The following KCNK2 variants were observed in gnomAD, a reference collection of about 807,000 sequenced individuals.
KCNK2 encodes potassium channel subfamily K member 2.
In KCNK2, 21 loss-of-function variants were observed where a neutral mutation model predicts 40.5. The ratio of observed to expected loss-of-function variants is 0.52; its 90% CI spans 0.37 to 0.75. KCNK2 has a LOEUF of 0.75. KCNK2 is among the 30% of genes least tolerant of loss of function. The pLI is 0.00. For missense variants in KCNK2, 399 were observed against 531.6 expected, an observed-to-expected ratio of 0.75 and a Z score of 2.45; for synonymous variants, 191 against 202.2, an observed-to-expected ratio of 0.94 and a Z score of 0.47.
intron 5 of KCNK2, among the ~76,000 whole-genome samples, chr1:215,193,665 GTTC>G (rs1415745224): frequency 6.6e-6 from 1 of 152,060 alleles, no homozygotes; most frequent in African/African-American, 2.4e-5. Context: ...CTGTCAATTT[GTTC>G]TTCTCTGCCA....
intron 2 of KCNK2, among the ~76,000 whole-genome samples, chr1:215,089,338 A>C (rs1429974832): frequency 3.9e-5 from 6 of 152,162 alleles, no homozygotes; most frequent in Non-Finnish European, 5.9e-5. Flanking sequence ...GAGGGGGGAA[A>C]CAGTTGGAGT....
At chr1:215,221,117 C>T (rs570220276) in intron 6 of KCNK2, among the ~76,000 whole-genome samples, 1 of 152,360 alleles carries the variant, frequency 6.6e-6, no homozygotes, top group South Asian at 2.1e-4. Flanking sequence ...CACCTGTAAT[C>T]CCAGCACTTT....
chr1:215,067,972 T>C (rs1658616389), intron 1 of KCNK2, among the ~76,000 whole-genome samples: 2 of 152,190 alleles, frequency 1.3e-5, no homozygotes, highest in Admixed American at 1.3e-4. Flanking sequence ...ATGTAATTTA[T>C]TTCAATAAAT....
chr1:215,082,717 A>C (rs1659215741), upstream of KCNK2, among the ~76,000 whole-genome samples: 1 of 151,416 alleles, frequency 6.6e-6, no homozygotes, highest in Non-Finnish European at 1.5e-5. Context: ...GGCGAAGAGG[A>C]GGGAGTTCCG....
chr1:215,213,051 T>C (rs547616021), intron 6 of KCNK2, among the ~76,000 whole-genome samples: 92 of 152,308 alleles, frequency 6.0e-4, no homozygotes, highest in African/African-American at 2.1e-3. Flanking sequence ...GGGGGGCTTA[T>C]GCTTGACTGG....
At chr1:215,178,205 T>C (rs75543502) in intron 5 of KCNK2, among the ~76,000 whole-genome samples, 18,912 of 152,128 alleles carry the variant, frequency 0.12, 2,460 homozygotes, top group African/African-American at 0.33. Flanking sequence ...TTTTTGTACA[T>C]TGATTTTGTA....
At chr1:215,157,270 G>A (rs189159468) in intron 3 of KCNK2, among the ~76,000 whole-genome samples, 48 of 152,218 alleles carry the variant, frequency 3.2e-4, no homozygotes, top group South Asian at 3.1e-3. Context: ...TATCCCTCAC[G>A]GGGTGACCAC....
chr1:215,224,292 T>C (rs1666298475), intron 6 of KCNK2, among the ~76,000 whole-genome samples: 1 of 152,216 alleles, frequency 6.6e-6, no homozygotes, highest in African/African-American at 2.4e-5. Context: ...ATTTCTGCCA[T>C]GTGGAGAAAA....
intron 1 of KCNK2, among the ~76,000 whole-genome samples, chr1:215,086,018 A>G (rs559572417): frequency 8.7e-4 from 133 of 152,320 alleles, no homozygotes; most frequent in Admixed American, 2.0e-3. Flanking sequence ...AACTCTTAGG[A>G]GTTCAGTATC....
intron 1 of KCNK2, among the ~76,000 whole-genome samples, chr1:215,013,484 G>A (rs969119127): frequency 2.0e-5 from 3 of 152,124 alleles, no homozygotes; most frequent in African/African-American, 7.2e-5. Context: ...TTTTAATTGG[G>A]ATAAGTGTTA....
chr1:215,177,740 A>ATATTTTTTTTTT (rs71167812), intron 5 of KCNK2, among the ~76,000 whole-genome samples: 1 of 101,602 alleles, frequency 9.8e-6, no homozygotes, highest in Non-Finnish European at 2.0e-5. Context: ...ATATATATAT[A>ATATTTTTTTTTT]TTTTTTTTTT....
At chr1:215,166,398 G>A (rs1191521539) in intron 3 of KCNK2, among the ~76,000 whole-genome samples, 1 of 152,086 alleles carries the variant, frequency 6.6e-6, no homozygotes, top group African/African-American at 2.4e-5. Flanking sequence ...AAGCAGAAAT[G>A]GGTCCAAGGG....
intron 6 of KCNK2, among the ~76,000 whole-genome samples, chr1:215,217,117 T>C (rs904771210): frequency 7.9e-5 from 12 of 152,204 alleles, no homozygotes; most frequent in African/African-American, 2.4e-4. Flanking sequence ...GGAAATATCT[T>C]TGGGCTTCTA....
chr1:215,090,540 CT>C (rs1246248366), intron 2 of KCNK2, among the ~76,000 whole-genome samples: 6 of 152,040 alleles, frequency 3.9e-5, no homozygotes, highest in Non-Finnish European at 7.4e-5. Flanking sequence ...AATATTCTTT[CT>C]GGACAACAGG....
rs565320920 is a variant in KCNK2 at position 215,175,272 on chromosome 1, G to A, written c.823+3089G>A. 3.9e-5 allele frequency among the ~76,000 whole-genome samples: 6 copies of A among 152,010 alleles called. No individual in the cohort carries two copies. In the South Asian group the frequency reaches 1.0e-3, roughly 26 times the overall value. On this transcript the variant is annotated intron_variant, in intron 5 of 6. Transcript: ENST00000444842. ...GGAGATTAGGACTTCAACATATCTTGGAGGACACAATTCAGCCCATAACAG... is the reference window on the plus strand; with the variant it reads ...GGAGATTAGGACTTCAACATATCTTAGAGGACACAATTCAGCCCATAACAG...
intron 1 of KCNK2, among the ~76,000 whole-genome samples, chr1:215,020,902 C>G (rs1656764948): frequency 6.6e-6 from 1 of 152,118 alleles, no homozygotes; most frequent in Admixed American, 6.5e-5. Flanking sequence ...CATAGGATAT[C>G]ACCTTTCAAT....
At chr1:215,092,234 T>C (rs913412543) in intron 2 of KCNK2, among the ~76,000 whole-genome samples, 1 of 152,096 alleles carries the variant, frequency 6.6e-6, no homozygotes, top group East Asian at 1.9e-4. Flanking sequence ...AGAGGTGCAG[T>C]GCAAGGGAGA....
At chr1:215,209,411 ATATTAT>A (rs1558140010) in intron 6 of KCNK2, among the ~76,000 whole-genome samples, 12 of 57,492 alleles carry the variant, frequency 2.1e-4, no homozygotes, top group Non-Finnish European at 2.6e-4. Context: ...AAATATGCAT[ATATTAT>A]ATATAATATA....
chr1:215,090,724 CT>C (rs376568906), intron 2 of KCNK2, among the ~76,000 whole-genome samples: 32 of 152,240 alleles, frequency 2.1e-4, no homozygotes, highest in African/African-American at 7.5e-4. Context: ...GGACATTTGA[CT>C]TTTTTGTTTT....
Sources: allele counts gnomAD v4.1 joint callset (sites outside exome capture counted in the v4.1 genomes callset), GRCh38; gene constraint gnomAD v4.1.1; transcripts MANE v1.5; gene names NCBI Gene and HGNC (gene_info 2026-07-23, HGNC 2026-07-21).